Variants in BCLAF3 observed in about 807,000 individuals in gnomAD.
BCLAF3 encodes transient octamer binding factor 1.
A neutral mutation model predicts 51.2 loss-of-function variants in BCLAF3; 24 were observed. The ratio of observed to expected loss-of-function variants is 0.47; its 90% CI spans 0.34 to 0.66. The LOEUF (loss-of-function observed/expected upper bound fraction) is 0.66, where lower values mean the gene tolerates loss of function less well. Among genes scored for constraint, BCLAF3 ranks in the 30% least tolerant of loss-of-function variants. The pLI is 0.01. For synonymous variants in BCLAF3, 152 were observed against 176.6 expected, an observed-to-expected ratio of 0.86 and a Z score of 1.10; for missense variants, 465 against 525.1, an observed-to-expected ratio of 0.89 and a Z score of 1.12.
intron 1 of BCLAF3, among the ~76,000 whole-genome samples, chrX:19,979,667 G>C (rs757466145): frequency 1.0e-3 from 113 of 108,155 alleles, no homozygotes; most frequent in African/African-American, 3.8e-3. Context: ...AACCTACCTT[G>C]AATCAGAAAT....
chrX:19,932,763 C>T (rs1477478327), intron 10 of BCLAF3, among the ~76,000 whole-genome samples: 1 of 110,884 alleles, frequency 9.0e-6, no homozygotes, highest in Non-Finnish European at 1.9e-5. Flanking sequence ...AACTCCTGAC[C>T]TCAAGTGATC....
chrX:19,982,741 T>C (rs941973223), intron 1 of BCLAF3, among the ~76,000 whole-genome samples: 6 of 110,706 alleles, frequency 5.4e-5, no homozygotes, highest in Non-Finnish European at 7.5e-5. Context: ...GAGCAAAATA[T>C]CTACCTCGCA....
rs1205636780 is a variant in BCLAF3 at position 19,990,891 on chromosome X, C to A, written c.-35+17G>T. The stretch of plus-strand genomic sequence containing the variant: ...GGGCCCAGGCCTCCTCGCCCCGCCT[C>A]CCCCCGAGCCGCTCACCCGGCCGGG... On this transcript the variant is annotated intron_variant, in intron 1 of 11. Coordinates refer to ENST00000379682, the MANE Select transcript of BCLAF3 (RefSeq NM_001367774.2). Among the ~76,000 whole-genome samples, 238 of 107,336 alleles carry A rather than the reference C, an allele frequency of 2.2e-3. 1 individual carries two copies. Among genetic ancestry groups the A allele is most frequent in the Non-Finnish European group, 4.2e-3 (213 of 51,240 alleles). 93.2% of individuals were successfully genotyped at this position (107,336 alleles called of 115,157 possible).
At chrX:19,920,436 ATG>A (rs757361344) in intron 11 of BCLAF3, among the ~76,000 whole-genome samples, 25 of 109,969 alleles carry the variant, frequency 2.3e-4, no homozygotes, top group African/African-American at 4.6e-4. Context: ...ATATGGATGG[ATG>A]TGTGTGTGTG....
intron 1 of BCLAF3, among the ~76,000 whole-genome samples, chrX:19,987,969 C>T (rs1207674052): frequency 3.6e-5 from 4 of 112,159 alleles, no homozygotes. Context: ...CCTCACCTTG[C>T]GAATCCTACC....
intron 1 of BCLAF3, among the ~76,000 whole-genome samples, chrX:19,974,303 A>G (rs2072348405): frequency 8.9e-6 from 1 of 112,244 alleles, no homozygotes; most frequent in African/African-American, 3.2e-5. Flanking sequence ...CCATGCAGGA[A>G]TATACACTGG....
At chrX:19,985,884 C>T (rs2072784477) in intron 1 of BCLAF3, among the ~76,000 whole-genome samples, 2 of 110,939 alleles carry the variant, frequency 1.8e-5, no homozygotes, top group South Asian at 7.6e-4. Context: ...GAGGTAGAGG[C>T]TACAGTGAGC....
intron 4 of BCLAF3, among the ~76,000 whole-genome samples, chrX:19,960,649 C>T (rs1045969452): frequency 8.9e-6 from 1 of 111,733 alleles, no homozygotes; most frequent in Non-Finnish European, 1.9e-5. Flanking sequence ...TTGCCTCCAG[C>T]GGAACAGTGT....
chrX:19,966,599 G>A lies in BCLAF3; in HGVS notation c.92C>T (p.Ser31Leu). The part of the protein sequence containing the change: ...RNAEHYKQRH[S>L]HGHYGCEYRK... ...ATATTCACAGCCATAATGCCCGTGTGAATGTCTTTGCTTGTAGTGTTCAGC... is the reference window on the plus strand; with the variant it reads ...ATATTCACAGCCATAATGCCCGTGTAAATGTCTTTGCTTGTAGTGTTCAGC... The change falls in exon 3 of 12, where the codon TCA (serine) becomes TTA (leucine). Residue 31 changes from serine (S) to leucine (L), a missense_variant. Physicochemically the swap from Ser to Leu is moderately radical, Grantham distance 145. Transcript: ENST00000379682. The A allele has an allele frequency of 5.8e-6, 7 of 1,211,148 alleles. No individual in the cohort carries two copies. Among genetic ancestry groups the A allele is most frequent in the Non-Finnish European group, 7.8e-6 (7 of 895,430 alleles).
chrX:19,958,990 C>T (rs1389322769), intron 4 of BCLAF3, among the ~76,000 whole-genome samples: 2 of 112,054 alleles, frequency 1.8e-5, no homozygotes, highest in Non-Finnish European at 3.8e-5. Flanking sequence ...AATCCTCTGG[C>T]GGCCAGAACT....
rs1186791323 is a variant in BCLAF3 at position 19,950,851 on chromosome X, T to G, written c.1647A>C (p.Ile549=). The G allele has an allele frequency of 8.3e-7, 1 of 1,202,767 alleles. No homozygotes were observed. Among genetic ancestry groups the G allele is most frequent in the African/African-American group, 1.7e-5 (1 of 57,154 alleles). The part of the protein sequence containing the change: ...YESEQTLIKI[I]DPNDLRHDIE... The stretch of plus-strand genomic sequence containing the variant: ...TGTCATGTCGTAGGTCATTTGGATC[T>G]ATTATTTTGATCAGAGTCTGAGGAA... Residue 549 remains isoleucine (I), a synonymous_variant, in exon 8 of 12, where the codon ATA becomes ATC. Coordinates refer to ENST00000379682, the MANE Select transcript of BCLAF3 (RefSeq NM_001367774.2).
At chrX:19,938,911 A>G (rs1044150351) in intron 8 of BCLAF3, among the ~76,000 whole-genome samples, 6 of 112,373 alleles carry the variant, frequency 5.3e-5, no homozygotes, top group South Asian at 3.7e-4. Context: ...TTTAGGTCTT[A>G]ACACCTATCA....
chrX:19,940,168 G>A (rs756604787), intron 8 of BCLAF3, among the ~76,000 whole-genome samples: 2 of 112,216 alleles, frequency 1.8e-5, no homozygotes, highest in Admixed American at 9.4e-5. Context: ...TCAGATTAAA[G>A]AATCTATTTC....
intron 8 of BCLAF3, among the ~76,000 whole-genome samples, chrX:19,947,585 G>A (rs966969823): frequency 9.0e-6 from 1 of 111,631 alleles, no homozygotes; most frequent in South Asian, 3.7e-4. Context: ...CACCTGTAGA[G>A]AACAGATGGG....
rs145019121 is a variant in BCLAF3 at position 19,938,629 on chromosome X, T to A, written c.1746-1097A>T. On this transcript the variant is annotated intron_variant, in intron 8 of 11. Coordinates refer to ENST00000379682, the MANE Select transcript of BCLAF3 (RefSeq NM_001367774.2). The stretch of plus-strand genomic sequence containing the variant: ...CCAGCCTGGTCTTGAACTCCTGACC[T>A]CAAGTAATCCATCCACCTTGGCCTC... Among the ~76,000 whole-genome samples, 184 of 112,465 alleles carry A rather than the reference T, an allele frequency of 1.6e-3. 1 individual carries two copies. The East Asian group carries it at 0.04, about 24-fold the overall frequency.
At chrX:19,946,028 C>T (rs2071277731) in intron 8 of BCLAF3, among the ~76,000 whole-genome samples, 1 of 109,086 alleles carries the variant, frequency 9.2e-6, no homozygotes, top group Non-Finnish European at 1.9e-5. Flanking sequence ...GTGGGAGTGA[C>T]CCGATTTTCC....
intron 9 of BCLAF3, among the ~76,000 whole-genome samples, chrX:19,936,772 C>G (rs1204612350): frequency 9.0e-6 from 1 of 111,667 alleles, no homozygotes; most frequent in East Asian, 2.8e-4. Flanking sequence ...AAAGGCAAAT[C>G]TTTAAGACAG....
At chrX:19,930,591 G>A (rs895384536) in intron 10 of BCLAF3, 5 of 235,576 alleles carry the variant, frequency 2.1e-5, no homozygotes, top group Non-Finnish European at 3.4e-5. Context: ...GAGTCTTGGA[G>A]GTAGAGGCTG....
At chrX:19,933,329 A>T (rs777044131) in intron 10 of BCLAF3, among the ~76,000 whole-genome samples, 7 of 112,326 alleles carry the variant, frequency 6.2e-5, no homozygotes, top group Non-Finnish European at 1.3e-4. Flanking sequence ...AATAGATTTT[A>T]TTCTTTTTGA....
Sources: allele counts gnomAD v4.1 joint callset (sites outside exome capture counted in the v4.1 genomes callset), GRCh38; gene constraint gnomAD v4.1.1; transcripts MANE v1.5; gene names NCBI Gene and HGNC (gene_info 2026-07-23, HGNC 2026-07-21).